MGAT4C: variants seen among roughly 807,000 people sequenced by gnomAD.
The protein encoded by MGAT4C is alpha-1,3-mannosyl-glycoprotein 4-beta-N-acetylglucosaminyltransferase C.
MGAT4C carries 19 observed loss-of-function variants against 40.1 expected under a neutral mutation model. That is an observed-to-expected ratio of 0.47 (90% CI 0.33 to 0.70). The LOEUF (loss-of-function observed/expected upper bound fraction) is 0.70, where lower values mean the gene tolerates loss of function less well. Ranked by LOEUF, MGAT4C falls within the 30% of genes least tolerant of loss-of-function variation. MGAT4C has a pLI of 0.02. For missense variants in MGAT4C, 491 were observed against 563.2 expected (o/e 0.87, Z 1.30); for synonymous variants, 181 against 187.1 (o/e 0.97, Z 0.27).
At chr12:86,084,510 A>G (rs1369332789) in intron 1 of MGAT4C, among the ~76,000 whole-genome samples, 3 of 151,940 alleles carry the variant, frequency 2.0e-5, no homozygotes. Flanking sequence ...TTTGCCATGT[A>G]TATTATGTGG....
intron 2 of MGAT4C, among the ~76,000 whole-genome samples, chr12:86,509,240 A>C (rs1958528599): frequency 6.6e-6 from 1 of 152,248 alleles, no homozygotes; most frequent in East Asian, 1.9e-4. Flanking sequence ...TTTTTGTATA[A>C]GGTGTGAGGA....
chr12:86,569,588 A>T (rs1960279715), intron 2 of MGAT4C, among the ~76,000 whole-genome samples: 1 of 152,094 alleles, frequency 6.6e-6, no homozygotes, highest in Admixed American at 6.5e-5. Flanking sequence ...CTCTGTTGCT[A>T]TGAGTGTTAA....
At chr12:86,391,552 TATTCAATCAAAAAGTTGGC>T (rs773382216) in intron 3 of MGAT4C, among the ~76,000 whole-genome samples, 2 of 152,160 alleles carry the variant, frequency 1.3e-5, no homozygotes, top group Non-Finnish European at 2.9e-5. Flanking sequence ...TTGGTAACTT[TATTCAATCAAAAAGTTGGC>T]ATTTAGGCCA....
At chr12:86,342,032 G>A (rs1358809651) in intron 3 of MGAT4C, among the ~76,000 whole-genome samples, 1 of 152,070 alleles carries the variant, frequency 6.6e-6, no homozygotes, top group Non-Finnish European at 1.5e-5. Context: ...TTTTAAGTGG[G>A]TTCCTGTCAA....
intron 2 of MGAT4C, among the ~76,000 whole-genome samples, chr12:86,470,131 T>C (rs1309723575): frequency 6.6e-6 from 1 of 152,154 alleles, no homozygotes; most frequent in East Asian, 1.9e-4. Flanking sequence ...ATTATCTAAG[T>C]TAAGGTTTAG....
intron 2 of MGAT4C, among the ~76,000 whole-genome samples, chr12:86,598,604 T>C (rs184606925): frequency 9.2e-5 from 14 of 152,226 alleles, no homozygotes; most frequent in African/African-American, 3.4e-4. Flanking sequence ...AACCTAAACA[T>C]GTAGTGTAAT....
At chr12:86,678,466 A>T (rs183337112) in intron 2 of MGAT4C, among the ~76,000 whole-genome samples, 2 of 151,236 alleles carry the variant, frequency 1.3e-5, no homozygotes, top group African/African-American at 4.9e-5. Flanking sequence ...TTTAGGGTAC[A>T]TGTGCACAAT....
intron 1 of MGAT4C, among the ~76,000 whole-genome samples, chr12:86,147,687 A>G (rs2135757049): frequency 6.6e-6 from 1 of 152,324 alleles, no homozygotes; most frequent in Admixed American, 6.5e-5. Flanking sequence ...TTAAAGTTGG[A>G]CAAATTGCTA....
intron 1 of MGAT4C, among the ~76,000 whole-genome samples, chr12:86,226,103 A>G (rs1249667673): frequency 6.6e-6 from 1 of 150,810 alleles, no homozygotes; most frequent in African/African-American, 2.4e-5. Flanking sequence ...GCTACTGGAC[A>G]TGTCATATCA....
intron 2 of MGAT4C, among the ~76,000 whole-genome samples, chr12:86,647,424 T>A (rs1245553044): frequency 6.6e-6 from 1 of 151,896 alleles, no homozygotes; most frequent in African/African-American, 2.4e-5. Context: ...AGACACAGTT[T>A]CAGGTGTTTA....
Position 86,486,299 on chromosome 12 carries a change from G to A in MGAT4C, c.-228-51034C>T, listed in dbSNP as rs866680316. Among the ~76,000 whole-genome samples the A allele has an allele frequency of 2.6e-5, 4 of 151,650 alleles. No individual in the cohort carries two copies. In the South Asian group the frequency reaches 6.3e-4, roughly 24 times the overall value. On this transcript the variant is annotated intron_variant, in intron 2 of 7. Coordinates refer to the MGAT4C transcript ENST00000548651. Reference sequence around the variant, plus strand: ...ATGAAAAGACAAGACCCGACTGTCTGCTCTTTTCAAGAGCACCATGTCACA... The same window carrying A: ...ATGAAAAGACAAGACCCGACTGTCTACTCTTTTCAAGAGCACCATGTCACA...
At chr12:86,458,510 T>C (rs912855645) in intron 2 of MGAT4C, among the ~76,000 whole-genome samples, 1 of 152,196 alleles carries the variant, frequency 6.6e-6, no homozygotes, top group African/African-American at 2.4e-5. Context: ...TTTGGAAGAA[T>C]GGAACAAGAA....
chr12:86,344,758 G>GTGTGTGTGTA (rs1954989894), intron 3 of MGAT4C, among the ~76,000 whole-genome samples: 1 of 107,248 alleles, frequency 9.3e-6, no homozygotes, highest in African/African-American at 2.8e-5. Context: ...GTGTGTGTAT[G>GTGTGTGTGTA]TGTGTGTGTG....
chr12:86,198,746 C>A (rs1053911479), intron 1 of MGAT4C, among the ~76,000 whole-genome samples: 2 of 152,126 alleles, frequency 1.3e-5, no homozygotes, highest in Admixed American at 1.3e-4. Flanking sequence ...AATTCCATCT[C>A]TTTTTTTCCC....
At chr12:86,556,981 G>T (rs750299279) in intron 2 of MGAT4C, among the ~76,000 whole-genome samples, 26 of 151,854 alleles carry the variant, frequency 1.7e-4, no homozygotes, top group Non-Finnish European at 3.2e-4. Flanking sequence ...GAAAACTGAA[G>T]AAAGACTCAT....
intron 1 of MGAT4C, among the ~76,000 whole-genome samples, chr12:86,231,135 A>G (rs1320120040): frequency 6.6e-6 from 1 of 152,236 alleles, no homozygotes; most frequent in Non-Finnish European, 1.5e-5. Context: ...TGTGGAGATT[A>G]TAAATCAGAT....
rs143876545 is a variant in MGAT4C, at chr12:86,010,975, C to T, written c.-6-21423G>A. 2.2e-4 allele frequency among the ~76,000 whole-genome samples: 34 copies of T among 152,228 alleles called. No individual in the cohort carries two copies. The East Asian group carries it at 6.6e-3, about 29-fold the overall frequency. ...TTGTGATGTAGCATGAGGCCCTCACCAGAAGCCACCCAGATGCTGCTACCT... is the reference window on the plus strand; with the variant it reads ...TTGTGATGTAGCATGAGGCCCTCACTAGAAGCCACCCAGATGCTGCTACCT... On this transcript the variant is annotated intron_variant, in intron 2 of 4. Transcript: ENST00000611864.
At chr12:86,264,976 G>T (rs750066085) in intron 4 of MGAT4C, among the ~76,000 whole-genome samples, 1 of 152,200 alleles carries the variant, frequency 6.6e-6, no homozygotes, top group Non-Finnish European at 1.5e-5. Flanking sequence ...GCGGTTCCTG[G>T]CATCTCCAAT....
chr12:86,093,140 A>T (rs1873189799), intron 1 of MGAT4C, among the ~76,000 whole-genome samples: 1 of 152,096 alleles, frequency 6.6e-6, no homozygotes, highest in Non-Finnish European at 1.5e-5. Context: ...GTCAGAAAGA[A>T]ATGAATATGT....
Sources: allele counts gnomAD v4.1 joint callset (sites outside exome capture counted in the v4.1 genomes callset), GRCh38; gene constraint gnomAD v4.1.1; transcripts MANE v1.5; gene names NCBI Gene and HGNC (gene_info 2026-07-23, HGNC 2026-07-21).